Variants in COPE observed in about 807,000 individuals in gnomAD.
The protein encoded by COPE is coatomer subunit epsilon.
Under a neutral mutation model 42.1 loss-of-function variants are expected in COPE, and 19 were observed. The observed-to-expected ratio is 0.45, with a 90% CI of 0.31 to 0.66. COPE has a LOEUF of 0.66. Among genes scored for constraint, COPE ranks in the 30% least tolerant of loss-of-function variants. The pLI is 0.05. For synonymous variants in COPE, 195 were observed against 181.3 expected, an observed-to-expected ratio of 1.08 and a Z score of -0.60; for missense variants, 402 against 416.1, an observed-to-expected ratio of 0.97 and a Z score of 0.30.
chr19:18,900,510 G>A (rs1019965918), intron 7 of COPE, 61 bp from the exon 8 acceptor site: 24 of 1,343,946 alleles, frequency 1.8e-5, no homozygotes, highest in African/African-American at 1.7e-4. Context: ...ATGCCTGCCC[G>A]TCACCCCCAC....
intron 3 of COPE, 132 bp downstream of exon 3, chr19:18,910,839 G>A (rs1211784257): frequency 2.8e-6 from 2 of 721,984 alleles, no homozygotes; most frequent in African/African-American, 1.7e-5. Flanking sequence ...CAGCAGGGGA[G>A]CAGAGGGGAG....
At position 18,906,977 on chromosome 19, in the gene COPE, CT is replaced by C; in HGVS notation, c.425del (p.Gln142ArgfsTer10). The C allele has an allele frequency of 1.9e-6, 3 of 1,566,238 alleles. No individual in the cohort carries two copies. Among genetic ancestry groups the C allele is most frequent in the Non-Finnish European group, 2.6e-6 (3 of 1,155,766 alleles). ...NPDAALRALHQGDSLECTAMT... is the reference protein window; with the variant it reads ...NPDAALRALHXGDSLECTAMT... ...CCACTCACCACTCCAGGCTGTCCCC[CT>C]GGTGCAGCGCACGCAGGGCGGCATC... On this transcript the variant is annotated frameshift_variant, in exon 4 of 10. Transcript: ENST00000262812. LOFTEE classifies it high-confidence loss of function.
intron 6 of COPE, 23 bp from the exon 7 acceptor site, chr19:18,903,446 T>A (rs200033997): frequency 6.3e-7 from 1 of 1,585,954 alleles, no homozygotes; most frequent in East Asian, 2.3e-5. Flanking sequence ...TCCCGCATCA[T>A]TGCCTGTGCC....
At chr19:18,905,528 G>A (rs749950223) in intron 5 of COPE, 48 bp downstream of exon 5, 41 of 1,513,926 alleles carry the variant, frequency 2.7e-5, no homozygotes, top group African/African-American at 7.0e-5. Context: ...GGGCTGTGAC[G>A]CTCTGGGCTG....
intron 1 of COPE, 116 bp downstream of exon 1, chr19:18,919,107 C>T (rs2056886987): frequency 6.3e-6 from 7 of 1,109,722 alleles, no homozygotes; most frequent in Non-Finnish European, 9.2e-6. Context: ...GAAGAGGTGG[C>T]CCAAAAAACG....
rs1374004001 is a variant in COPE, at chr19:18,911,090, G to A, written c.190-19C>T. On this transcript the variant is annotated intron_variant, in intron 2 of 9. Transcript: ENST00000262812. ...ACTTCCTCTGCAGTAGGGACGAGGC[G>A]TCAGCTGCACCCGTCCACCCCAGAG... The A allele has an allele frequency of 5.6e-6, 9 of 1,602,266 alleles. No individual in the cohort carries two copies. The highest frequency in any genetic ancestry group is 1.7e-5 in the Admixed American group (1 of 59,966).
rs1568314615 is a variant in COPE, at chr19:18,902,730, A to AAAGGAAGGAAGG, written c.735+537_735+538insCCTTCCTTCCTT. ...GGAAAGGAAGGAAAGGAAAGGAAGG[A>AAAGGAAGGAAGG]AAGGAAGGAAAGGAAGGAAAGGAAG... On this transcript the variant is annotated intron_variant, in intron 7 of 9. Transcript: ENST00000262812. Among the ~76,000 whole-genome samples, 2 of 62,344 alleles carry AAAGGAAGGAAGG rather than the reference A, an allele frequency of 3.2e-5. 1 individual carries two copies. The highest frequency in any genetic ancestry group is 2.6e-4 in the African/African-American group (2 of 7,678). The allele number at this position is 62,344 out of a possible 152,430, so 40.9% of individuals were successfully genotyped here. A position where few individuals can be genotyped will look rare whatever the true frequency, so the allele number is the denominator to read the frequency against.
intron 7 of COPE, among the ~76,000 whole-genome samples, chr19:18,902,716 A>AAAGGAAAGG (rs1219860714): frequency 3.1e-5 from 1 of 31,854 alleles, no homozygotes; most frequent in Non-Finnish European, 6.1e-5. Flanking sequence ...GAAAGGAAGG[A>AAAGGAAAGG]AAGGAAAGGA....
intron 3 of COPE, 34 bp downstream of exon 3, chr19:18,910,937 G>A (rs375855893): frequency 3.5e-5 from 56 of 1,591,474 alleles, no homozygotes; most frequent in Middle Eastern, 1.7e-4. Flanking sequence ...AGATGGCCCC[G>A]CGCCTCAGGC....
Position 18,919,215 on chromosome 19 carries a change from G to C in COPE, c.126+8C>G. On this transcript the variant is annotated splice_region_variant and intron_variant, in intron 1 of 9. Transcript: ENST00000262812. ...CCCCAGCGTCCCCGCGCCCCTGCGC[G>C]GCCGCACCTTCACCCGCTGCGCCTC... 3 of 1,607,798 alleles carry C rather than the reference G, an allele frequency of 1.9e-6. No individual in the cohort carries two copies. Among genetic ancestry groups the C allele is most frequent in the Non-Finnish European group, 2.5e-6 (3 of 1,176,770 alleles).
chr19:18,906,186 ATTTAT>A (rs2056757553), intron 4 of COPE: 1 of 382,752 alleles, frequency 2.6e-6, no homozygotes, highest in Non-Finnish European at 4.6e-6. Flanking sequence ...TGACATCCCT[ATTTAT>A]TTTCTTTTTT....
At chr19:18,904,128 G>A (rs1313772979) in intron 6 of COPE, among the ~76,000 whole-genome samples, 2 of 152,256 alleles carry the variant, frequency 1.3e-5, no homozygotes. Flanking sequence ...ACCAAGCCCA[G>A]CTAATTTTGT....
At chr19:18,901,508 G>A (rs1036780466) in intron 7 of COPE, among the ~76,000 whole-genome samples, 4 of 152,202 alleles carry the variant, frequency 2.6e-5, no homozygotes, top group South Asian at 4.1e-4. Context: ...AGCAGTACCC[G>A]GCCTGTGATG....
At chr19:18,910,793 C>T (rs1052357809) in intron 3 of COPE, 178 bp downstream of exon 3, 15 of 620,464 alleles carry the variant, frequency 2.4e-5, no homozygotes, top group Non-Finnish European at 3.8e-5. Flanking sequence ...ACCAGCCCCC[C>T]ACTGCTGTGC....
rs767606582 is a variant in COPE at position 18,899,738 on chromosome 19, C to T, written c.880-12G>A. 2.0e-5 allele frequency: 32 copies of T among 1,613,584 alleles called. 1 individual carries two copies. The South Asian group carries it at 3.1e-4, about 15-fold the overall frequency. ...TCAAAGTCGTTCTCCTTTAGCAAGACACATGGCAACACAGGGTGGGGGCAG... is the reference window on the plus strand; with the variant it reads ...TCAAAGTCGTTCTCCTTTAGCAAGATACATGGCAACACAGGGTGGGGGCAG... On this transcript the variant is annotated splice_polypyrimidine_tract_variant and intron_variant, in intron 9 of 9. Coordinates refer to ENST00000262812, the MANE Select transcript of COPE (RefSeq NM_007263.4).
At chr19:18,909,640 T>C (rs1404299056) in intron 3 of COPE, among the ~76,000 whole-genome samples, 1 of 150,946 alleles carries the variant, frequency 6.6e-6, no homozygotes, top group African/African-American at 2.4e-5. Context: ...TGCCTCAGCC[T>C]CCCAAGTAGC....
At chr19:18,911,381 C>A (rs2056808998) in intron 2 of COPE, 2 of 374,582 alleles carry the variant, frequency 5.3e-6, no homozygotes, top group Non-Finnish European at 1.0e-5. Flanking sequence ...CACCTGGGGG[C>A]AGGGCAGCAG....
At chr19:18,918,321 C>G (rs566379260) in intron 1 of COPE, among the ~76,000 whole-genome samples, 11 of 152,194 alleles carry the variant, frequency 7.2e-5, no homozygotes, top group African/African-American at 2.4e-4. Flanking sequence ...ACTCTCCGAC[C>G]CTGAATCCTT....
At position 18,899,572 on chromosome 19, in the gene COPE, G is replaced by T; in HGVS notation, c.*107C>A. ...TAACAGATGGGGGTGCTGGGGGTGGGCTCCTGCCCCCAGAGGGGATGCAGG... is the reference window on the plus strand; with the variant it reads ...TAACAGATGGGGGTGCTGGGGGTGGTCTCCTGCCCCCAGAGGGGATGCAGG... On this transcript the variant is annotated 3_prime_UTR_variant, in exon 10 of 10. Coordinates refer to ENST00000262812, the MANE Select transcript of COPE (RefSeq NM_007263.4). The T allele has an allele frequency of 8.7e-7, 1 of 1,145,548 alleles. No homozygotes were observed. The highest frequency in any genetic ancestry group is 1.3e-6 in the Non-Finnish European group (1 of 773,960). The allele number at this position is 1,145,548 out of a possible 1,614,324, so 71.0% of individuals were successfully genotyped here.
Sources: gnomAD v4.1 joint callset for allele counts (sites outside exome capture counted in the v4.1 genomes callset) on GRCh38, gnomAD v4.1.1 for gene constraint, MANE v1.5 for transcripts, NCBI Gene and HGNC (gene_info 2026-07-23, HGNC 2026-07-21) for gene names.